Variants in EPM2A observed in about 807,000 individuals in gnomAD.
EPM2A encodes the protein laforin.
Under a neutral mutation model 26.5 loss-of-function variants are expected in EPM2A, and 21 were observed. The observed-to-expected ratio is 0.79, with a 90% CI of 0.56 to 1.14. The LOEUF (loss-of-function observed/expected upper bound fraction) is 1.14, where lower values mean the gene tolerates loss of function less well. Among genes scored for constraint, EPM2A ranks in the 50% most tolerant of loss-of-function variants. The pLI is 0.00. For missense variants in EPM2A, 458 were observed against 440.8 expected (o/e 1.04, Z -0.35); for synonymous variants, 217 against 177.6 (o/e 1.22, Z -1.76).
At chr6:145,576,698 A>G (rs1312888568) in intron 2 of EPM2A, among the ~76,000 whole-genome samples, 3 of 152,214 alleles carry the variant, frequency 2.0e-5, no homozygotes, top group Non-Finnish European at 2.9e-5. Context: ...AAATCATCTG[A>G]AAGTATAAAA....
intron 4 of EPM2A, among the ~76,000 whole-genome samples, chr6:145,455,050 C>T (rs12200655): frequency 1.4e-5 from 2 of 146,168 alleles, no homozygotes; most frequent in African/African-American, 4.9e-5. Flanking sequence ...TGAATATATA[C>T]ACACATATAC....
intron 4 of EPM2A, among the ~76,000 whole-genome samples, chr6:145,404,303 A>G (rs891963495): frequency 6.6e-6 from 1 of 152,056 alleles, no homozygotes; most frequent in African/African-American, 2.4e-5. Flanking sequence ...CAAGTTTTTT[A>G]TCCCATGGAT....
intron 4 of EPM2A, among the ~76,000 whole-genome samples, chr6:145,428,520 T>C (rs992817951): frequency 1.3e-5 from 2 of 152,208 alleles, no homozygotes; most frequent in African/African-American, 4.8e-5. Context: ...CTACTCCTCA[T>C]TGTAGGAGAA....
rs925877283 is a variant in EPM2A, at chr6:145,427,542, C to T, written c.556-43445G>A. Among the ~76,000 whole-genome samples, 19 of 152,164 alleles carry T rather than the reference C, an allele frequency of 1.2e-4. 1 individual carries two copies. Among genetic ancestry groups the T allele is most frequent in the African/African-American group, 3.6e-4 (15 of 41,512 alleles). ...TGCGTCTCCTAGAAACTTGAAAGTT[C>T]GCACTGAATGAATCTGAGAGCCAAT... On this transcript the variant is annotated intron_variant, in intron 4 of 4. Coordinates refer to the EPM2A transcript ENST00000638717.
At chr6:145,522,407 A>G (rs1239970915) in intron 2 of EPM2A, among the ~76,000 whole-genome samples, 2 of 151,984 alleles carry the variant, frequency 1.3e-5, no homozygotes, top group Non-Finnish European at 2.9e-5. Context: ...CCCTCCATCA[A>G]CTGACCCAGA....
At chr6:145,460,783 A>G (rs898741255) in intron 4 of EPM2A, among the ~76,000 whole-genome samples, 1 of 152,134 alleles carries the variant, frequency 6.6e-6, no homozygotes, top group Admixed American at 6.6e-5. Context: ...AAATCAGCTA[A>G]AAATTTTAAC....
chr6:145,566,200 T>C (rs936166357), intron 2 of EPM2A, among the ~76,000 whole-genome samples: 2 of 152,230 alleles, frequency 1.3e-5, no homozygotes, highest in Non-Finnish European at 2.9e-5. Flanking sequence ...TCATTAATTC[T>C]GTGACATTAA....
At chr6:145,443,143 T>C in intron 4 of EPM2A, among the ~76,000 whole-genome samples, 1 of 152,048 alleles carries the variant, frequency 6.6e-6, no homozygotes, top group Non-Finnish European at 1.5e-5. Context: ...AGTGCTGTAA[T>C]TACAGGTGTG....
intron 3 of EPM2A, 123 bp downstream of exon 3, chr6:145,635,122 T>C (rs1776546499): frequency 1.2e-5 from 14 of 1,150,920 alleles, no homozygotes; most frequent in Non-Finnish European, 1.8e-5. Context: ...ATATTAAATC[T>C]AAAATCTTAT....
intron 2 of EPM2A, among the ~76,000 whole-genome samples, chr6:145,644,548 C>T (rs775129075): frequency 1.1e-4 from 17 of 152,022 alleles, no homozygotes; most frequent in Non-Finnish European, 2.4e-4. Flanking sequence ...AAAACTGACA[C>T]AATTAGCAGT....
At chr6:145,483,474 A>G (rs536154993) in intron 4 of EPM2A, among the ~76,000 whole-genome samples, 117 of 152,242 alleles carry the variant, frequency 7.7e-4, no homozygotes, top group African/African-American at 2.7e-3. Flanking sequence ...AAGGAGGTAA[A>G]TCATCAATCT....
chr6:145,718,943 C>G (rs1413788980), intron 1 of EPM2A, among the ~76,000 whole-genome samples: 1 of 152,132 alleles, frequency 6.6e-6, no homozygotes, highest in African/African-American at 2.4e-5. Flanking sequence ...ACACCAGCTA[C>G]AATGGCAATC....
chr6:145,724,050 A>G (rs1301323393), intron 1 of EPM2A, among the ~76,000 whole-genome samples: 1 of 152,136 alleles, frequency 6.6e-6, no homozygotes, highest in East Asian at 1.9e-4. Context: ...GGGGCACTGA[A>G]TACATGAGGC....
chr6:145,463,593 G>A (rs1779352758), intron 4 of EPM2A, among the ~76,000 whole-genome samples: 1 of 151,916 alleles, frequency 6.6e-6, no homozygotes, highest in Non-Finnish European at 1.5e-5. Context: ...ATCTTTCCAT[G>A]CTGGCATATA....
At chr6:145,727,920 G>A (rs112735990) in intron 1 of EPM2A, among the ~76,000 whole-genome samples, 227 of 152,266 alleles carry the variant, frequency 1.5e-3, no homozygotes, top group African/African-American at 5.2e-3. Context: ...GGTGAGAGAC[G>A]ATTGAATCAC....
intron 4 of EPM2A, among the ~76,000 whole-genome samples, chr6:145,444,609 G>C (rs1779107762): frequency 6.6e-6 from 1 of 152,092 alleles, no homozygotes; most frequent in African/African-American, 2.4e-5. Flanking sequence ...AATGAGTTGG[G>C]GATGAGTCCC....
At chr6:145,499,557 T>C (rs1486486700), downstream of EPM2A, among the ~76,000 whole-genome samples, 1 of 152,226 alleles carries the variant, frequency 6.6e-6, no homozygotes, top group African/African-American at 2.4e-5. Context: ...CAAGTCCATT[T>C]CTATTCGTTG....
At chr6:145,473,311 A>T (rs1779500006) in intron 4 of EPM2A, among the ~76,000 whole-genome samples, 1 of 151,402 alleles carries the variant, frequency 6.6e-6, no homozygotes, top group African/African-American at 2.4e-5. Context: ...ATCAAGCAGA[A>T]GAAAAAAAAA....
At chr6:145,422,287 T>C (rs1172415429) in intron 4 of EPM2A, among the ~76,000 whole-genome samples, 1 of 147,310 alleles carries the variant, frequency 6.8e-6, no homozygotes, top group Non-Finnish European at 1.5e-5. Context: ...TGTATAATTA[T>C]ATTGTGTATA....
Sources: allele counts gnomAD v4.1 joint callset (sites outside exome capture counted in the v4.1 genomes callset), GRCh38; gene constraint gnomAD v4.1.1; transcripts MANE v1.5; gene names NCBI Gene and HGNC (gene_info 2026-07-23, HGNC 2026-07-21).